Variants in IL1RAPL2 observed in about 807,000 individuals in gnomAD.
IL1RAPL2 encodes the protein X-linked interleukin-1 receptor accessory protein-like 2.
Under a neutral mutation model 44.1 loss-of-function variants are expected in IL1RAPL2, and 3 were observed. The observed-to-expected ratio is 0.07, with a 90% CI of 0.03 to 0.18. IL1RAPL2 has a LOEUF of 0.18. Ranked by LOEUF, IL1RAPL2 falls within the 10% of genes least tolerant of loss-of-function variation. IL1RAPL2 has a pLI of 1.00. For missense variants in IL1RAPL2, 391 were observed against 496.4 expected, an observed-to-expected ratio of 0.79 and a Z score of 2.02; for synonymous variants, 181 against 178.8, an observed-to-expected ratio of 1.01 and a Z score of -0.10.
intron 6 of IL1RAPL2, among the ~76,000 whole-genome samples, chrX:105,604,973 TAGAA>T (rs1447153463): frequency 2.7e-5 from 3 of 110,669 alleles, no homozygotes; most frequent in Non-Finnish European, 3.8e-5. Flanking sequence ...AAAGTATGCA[TAGAA>T]AGAATGCACC....
At chrX:105,520,531 T>G (rs1225729524) in intron 6 of IL1RAPL2, among the ~76,000 whole-genome samples, 1 of 111,804 alleles carries the variant, frequency 8.9e-6, no homozygotes, top group Non-Finnish European at 1.9e-5. Flanking sequence ...AACTACACAG[T>G]CAAGACTGTG....
chrX:105,326,027 A>C (rs1209304667), intron 5 of IL1RAPL2, among the ~76,000 whole-genome samples: 1 of 111,021 alleles, frequency 9.0e-6, no homozygotes, highest in Non-Finnish European at 1.9e-5. Context: ...TCTGTGATTC[A>C]TGTTAATTTT....
chrX:105,342,080 G>T (rs2035075214), intron 5 of IL1RAPL2, among the ~76,000 whole-genome samples: 1 of 103,059 alleles, frequency 9.7e-6, no homozygotes, highest in East Asian at 3.2e-4. Flanking sequence ...AACACCACAT[G>T]TTCTAACTCA....
At chrX:104,747,261 A>G (rs749662200) in intron 2 of IL1RAPL2, among the ~76,000 whole-genome samples, 1 of 111,220 alleles carries the variant, frequency 9.0e-6, no homozygotes, top group Non-Finnish European at 1.9e-5. Flanking sequence ...GCTCAAAGCA[A>G]TCTTCCTTTA....
intron 6 of IL1RAPL2, among the ~76,000 whole-genome samples, chrX:105,588,787 C>T (rs966764520): frequency 2.3e-4 from 26 of 111,880 alleles, no homozygotes; most frequent in Admixed American, 1.1e-3. Context: ...ATCCAGTCTA[C>T]TATTGATGAG....
chrX:104,877,121 G>C lies in IL1RAPL2; in HGVS notation c.82+218126G>C, dbSNP rs1412868196. 7.2e-5 allele frequency among the ~76,000 whole-genome samples: 8 copies of C among 110,910 alleles called. No individual in the cohort carries two copies. The East Asian group carries it at 1.1e-3, about 16-fold the overall frequency. ...ATATGTGCCACATTTTCTTAATCCAGTCTATCATTGTTGGACATTTGGGTT... is the reference window on the plus strand; with the variant it reads ...ATATGTGCCACATTTTCTTAATCCACTCTATCATTGTTGGACATTTGGGTT... On this transcript the variant is annotated intron_variant, in intron 2 of 10. Coordinates refer to ENST00000372582, the MANE Select transcript of IL1RAPL2 (RefSeq NM_017416.2).
intron 1 of IL1RAPL2, among the ~76,000 whole-genome samples, chrX:104,629,438 G>A (rs930085050): frequency 7.1e-5 from 8 of 111,915 alleles, no homozygotes; most frequent in African/African-American, 2.6e-4. Context: ...TTAGTCTCTT[G>A]TTAGGGAATA....
At chrX:105,530,833 G>C (rs1482166294) in intron 6 of IL1RAPL2, among the ~76,000 whole-genome samples, 1 of 108,556 alleles carries the variant, frequency 9.2e-6, no homozygotes, top group East Asian at 2.9e-4. Flanking sequence ...GAGAACATGG[G>C]ATGTTTGTCG....
At chrX:105,126,057 A>G (rs2032972177) in intron 2 of IL1RAPL2, among the ~76,000 whole-genome samples, 1 of 111,198 alleles carries the variant, frequency 9.0e-6, no homozygotes, top group Non-Finnish European at 1.9e-5. Context: ...GTAATGGCAG[A>G]ACATGCTATT....
intron 2 of IL1RAPL2, among the ~76,000 whole-genome samples, chrX:104,800,699 T>G (rs1932879465): frequency 8.9e-6 from 1 of 112,794 alleles, no homozygotes; most frequent in African/African-American, 3.2e-5. Context: ...ATCTTCACAC[T>G]TTAAAAAGTT....
At chrX:105,002,254 C>T (rs2030864180) in intron 2 of IL1RAPL2, among the ~76,000 whole-genome samples, 1 of 111,202 alleles carries the variant, frequency 9.0e-6, no homozygotes, top group Non-Finnish European at 1.9e-5. Flanking sequence ...AGGAATAAAA[C>T]ATCAAGTTTA....
At chrX:105,282,474 A>G (rs886207997) in intron 5 of IL1RAPL2, among the ~76,000 whole-genome samples, 6 of 111,633 alleles carry the variant, frequency 5.4e-5, no homozygotes, top group African/African-American at 2.0e-4. Flanking sequence ...GCAACTGGCA[A>G]CCACCAGATG....
chrX:104,712,248 T>A (rs1263486240), intron 2 of IL1RAPL2, among the ~76,000 whole-genome samples: 1 of 110,531 alleles, frequency 9.0e-6, no homozygotes, highest in African/African-American at 3.3e-5. Flanking sequence ...TTTTGCAAAG[T>A]GAGGACCAAT....
At chrX:104,895,800 A>G in intron 2 of IL1RAPL2, among the ~76,000 whole-genome samples, 1 of 111,516 alleles carries the variant, frequency 9.0e-6, no homozygotes, top group Non-Finnish European at 1.9e-5. Context: ...TCCTGCCCCC[A>G]CTGTCGGACA....
chrX:105,590,848 TTTGTG>T (rs2037165442), intron 6 of IL1RAPL2, among the ~76,000 whole-genome samples: 1 of 97,591 alleles, frequency 1.0e-5, no homozygotes, highest in Non-Finnish European at 2.0e-5. Context: ...TGTGTGTGTG[TTTGTG>T]TGTGTTTGTG....
chrX:104,634,596 G>T (rs4614138), intron 1 of IL1RAPL2, among the ~76,000 whole-genome samples: 1,151 of 111,506 alleles, frequency 0.01, 7 homozygotes, highest in African/African-American at 0.023. Flanking sequence ...TACCATTATG[G>T]AATGGCCTTC....
chrX:104,812,715 T>C (rs1249254838), intron 2 of IL1RAPL2, among the ~76,000 whole-genome samples: 2 of 110,990 alleles, frequency 1.8e-5, no homozygotes, highest in African/African-American at 6.6e-5. Flanking sequence ...TTAAGTGTTA[T>C]GGGGTTTGAG....
intron 1 of IL1RAPL2, among the ~76,000 whole-genome samples, chrX:104,600,026 T>C (rs1030080327): frequency 9.0e-6 from 1 of 111,519 alleles, no homozygotes; most frequent in Non-Finnish European, 1.9e-5. Context: ...CAAAACCCTT[T>C]CGTTGATATG....
chrX:104,617,100 C>T (rs1335268633), intron 1 of IL1RAPL2, among the ~76,000 whole-genome samples: 2 of 111,953 alleles, frequency 1.8e-5, no homozygotes, highest in African/African-American at 6.5e-5. Flanking sequence ...ACATTTAAGT[C>T]TTTAATCCAT....
Sources: gnomAD v4.1 joint callset for allele counts (sites outside exome capture counted in the v4.1 genomes callset) on GRCh38, gnomAD v4.1.1 for gene constraint, MANE v1.5 for transcripts, NCBI Gene and HGNC (gene_info 2026-07-23, HGNC 2026-07-21) for gene names.